BLTP1: variants seen among roughly 807,000 people sequenced by gnomAD.
BLTP1 encodes fragile site-associated protein.
chr4:122,215,369 A>G, the BLTP1 span: 1 of 981,358 alleles, frequency 1.0e-6, no homozygotes, highest in South Asian at 4.7e-5. Context: ...TTAAAAAATA[A>G]GAGATCTGTT....
chr4:122,238,633 T>G, the BLTP1 span, among the ~76,000 whole-genome samples: 1 of 152,228 alleles, frequency 6.6e-6, no homozygotes, highest in Non-Finnish European at 1.5e-5. Flanking sequence ...ATTCAGATAT[T>G]ATCCTTCTAG....
At chr4:122,300,483 G>A in the BLTP1 span, among the ~76,000 whole-genome samples, 6 of 151,464 alleles carry the variant, frequency 4.0e-5, no homozygotes, top group East Asian at 1.2e-3. Flanking sequence ...CTCTTTTCTT[G>A]GTCTTATCTT....
the BLTP1 span, chr4:122,237,083 G>A: frequency 2.0e-6 from 2 of 984,450 alleles, no homozygotes; most frequent in Middle Eastern, 5.2e-4. Context: ...TACATTTGTG[G>A]TAGTAGAAGT....
At chr4:122,351,540 C>G in the BLTP1 span, among the ~76,000 whole-genome samples, 14 of 152,252 alleles carry the variant, frequency 9.2e-5, no homozygotes, top group Admixed American at 2.0e-4. Context: ...TCCAAAGTCA[C>G]AGGTTAAATA....
chr4:122,255,244 G>C, the BLTP1 span: 3 of 1,610,910 alleles, frequency 1.9e-6, no homozygotes, highest in Non-Finnish European at 2.5e-6. Context: ...ACCACTATCT[G>C]CACCAGGCAA....
chr4:122,246,512 G>A, the BLTP1 span: 1 of 624,262 alleles, frequency 1.6e-6, no homozygotes, highest in Non-Finnish European at 2.0e-6. Context: ...CATCCATCCA[G>A]TAAAAATTTA....
the BLTP1 span, among the ~76,000 whole-genome samples, chr4:122,245,583 T>G: frequency 1.3e-5 from 2 of 152,172 alleles, no homozygotes; most frequent in African/African-American, 4.8e-5. Context: ...TTGTATGATA[T>G]TCTACTTACA....
At chr4:122,222,734 A>G in the BLTP1 span, among the ~76,000 whole-genome samples, 1 of 152,046 alleles carries the variant, frequency 6.6e-6, no homozygotes, top group Non-Finnish European at 1.5e-5. Flanking sequence ...TACCAGTCAT[A>G]TTGGATTAGG....
chr4:122,239,889 C>G, the BLTP1 span: 1 of 1,613,864 alleles, frequency 6.2e-7, no homozygotes. Context: ...GGAATTTGAG[C>G]CCATTAGCAG....
the BLTP1 span, chr4:122,276,433 T>C: frequency 1.0e-6 from 1 of 975,394 alleles, no homozygotes; most frequent in Non-Finnish European, 1.2e-6. Flanking sequence ...CATCTCAGCC[T>C]TATAATTCTG....
the BLTP1 span, chr4:122,318,119 A>G: frequency 2.1e-5 from 33 of 1,584,288 alleles, no homozygotes; most frequent in Non-Finnish European, 2.6e-5. Flanking sequence ...TTTATTTACA[A>G]TAATTGCCAT....
the BLTP1 span, chr4:122,255,151 C>T: frequency 6.2e-7 from 1 of 1,603,416 alleles, no homozygotes; most frequent in South Asian, 1.1e-5. Flanking sequence ...TACATTTTCC[C>T]CTAAGAAGTA....
the BLTP1 span, among the ~76,000 whole-genome samples, chr4:122,295,072 GA>G: frequency 5.9e-5 from 9 of 152,156 alleles, no homozygotes; most frequent in Admixed American, 1.3e-4. Flanking sequence ...AGAGAAAAAA[GA>G]AAAGGAACAA....
chr4:122,305,086 G>T, the BLTP1 span: 2 of 1,286,732 alleles, frequency 1.6e-6, no homozygotes, highest in Non-Finnish European at 1.0e-6. Flanking sequence ...AAAATATTTA[G>T]TTTAATTTCC....
chr4:122,186,167 G>A, the BLTP1 span: 1 of 1,612,682 alleles, frequency 6.2e-7, no homozygotes, highest in Non-Finnish European at 8.5e-7. Context: ...ACCTAAGAAA[G>A]ATGATGATAA....
the BLTP1 span, among the ~76,000 whole-genome samples, chr4:122,180,694 T>C: frequency 2.6e-5 from 4 of 152,208 alleles, no homozygotes; most frequent in Admixed American, 1.3e-4. Flanking sequence ...AAGATACGTA[T>C]TTAATTATGT....
the BLTP1 span, chr4:122,188,224 C>A: frequency 9.4e-7 from 1 of 1,062,942 alleles, no homozygotes; most frequent in Non-Finnish European, 1.2e-6. Flanking sequence ...AAGCAGTTAA[C>A]AATGTAGTCC....
At chr4:122,309,351 C>T in the BLTP1 span, 1 of 1,613,530 alleles carries the variant, frequency 6.2e-7, no homozygotes, top group Non-Finnish European at 8.5e-7. Flanking sequence ...TCTTCAGAGT[C>T]TCTGGTTAGC....
the BLTP1 span, among the ~76,000 whole-genome samples, chr4:122,153,462 T>A: frequency 2.0e-5 from 3 of 152,324 alleles, 1 homozygote; most frequent in South Asian, 6.2e-4. Flanking sequence ...AACAATCCTA[T>A]AATGTAAAGT....
Sources: gnomAD v4.1 joint callset for allele counts (sites outside exome capture counted in the v4.1 genomes callset) on GRCh38, gnomAD v4.1.1 for gene constraint, MANE v1.5 for transcripts, NCBI Gene and HGNC (gene_info 2026-07-23, HGNC 2026-07-21) for gene names.